The following GRM7 variants were observed in gnomAD, a reference collection of about 807,000 sequenced individuals.
GRM7 encodes the protein metabotropic glutamate receptor 7.
In GRM7, 35 loss-of-function variants were observed where a neutral mutation model predicts 84.5. The ratio of observed to expected loss-of-function variants is 0.41; its 90% CI spans 0.32 to 0.55. The LOEUF (loss-of-function observed/expected upper bound fraction) is 0.55, where lower values mean the gene tolerates loss of function less well. Ranked by LOEUF, GRM7 falls within the 20% of genes least tolerant of loss-of-function variation. GRM7 has a pLI of 0.19. For synonymous variants in GRM7, 487 were observed against 455.1 expected, an observed-to-expected ratio of 1.07 and a Z score of -0.89; for missense variants, 1,003 against 1,194.6, an observed-to-expected ratio of 0.84 and a Z score of 2.36.
intron 9 of GRM7, among the ~76,000 whole-genome samples, chr3:7,702,535 A>G (rs1361664010): frequency 6.6e-6 from 1 of 152,230 alleles, no homozygotes; most frequent in African/African-American, 2.4e-5. Context: ...TAAATATGAA[A>G]ACTTGATGCA....
chr3:7,598,781 G>GA (rs1176093814), intron 8 of GRM7, among the ~76,000 whole-genome samples: 1 of 152,116 alleles, frequency 6.6e-6, no homozygotes, highest in Non-Finnish European at 1.5e-5. Flanking sequence ...TCTCCATGAT[G>GA]AAAAAATAAG....
chr3:7,035,222 C>G (rs573866496), intron 1 of GRM7, among the ~76,000 whole-genome samples: 17 of 152,242 alleles, frequency 1.1e-4, no homozygotes, highest in African/African-American at 3.9e-4. Flanking sequence ...CCTGAGACAT[C>G]TGAGCTCTTG....
intron 7 of GRM7, among the ~76,000 whole-genome samples, chr3:7,490,152 C>T (rs1278803242): frequency 6.6e-6 from 1 of 152,040 alleles, no homozygotes. Flanking sequence ...ATTTAGTATA[C>T]AAAAGTTATA....
chr3:7,081,329 T>G (rs930539999), intron 1 of GRM7, among the ~76,000 whole-genome samples: 4 of 152,082 alleles, frequency 2.6e-5, no homozygotes, highest in African/African-American at 9.7e-5. Context: ...ATTTTCTCAT[T>G]TTTTATACCT....
intron 5 of GRM7, among the ~76,000 whole-genome samples, chr3:7,437,429 A>G (rs1336699793): frequency 1.3e-5 from 2 of 152,150 alleles, no homozygotes; most frequent in Non-Finnish European, 2.9e-5. Flanking sequence ...CTCTGTGGGG[A>G]ACAGATAATC....
At chr3:7,166,884 A>C (rs1348622307) in intron 2 of GRM7, among the ~76,000 whole-genome samples, 2 of 152,202 alleles carry the variant, frequency 1.3e-5, no homozygotes, top group African/African-American at 4.8e-5. Context: ...GAAATGAATA[A>C]AATTTGACTA....
chr3:6,976,881 C>A (rs1246035223), intron 1 of GRM7, among the ~76,000 whole-genome samples: 2 of 152,164 alleles, frequency 1.3e-5, no homozygotes, highest in Non-Finnish European at 2.9e-5. Context: ...CAGACTCAGG[C>A]TCTCAGGGTC....
intron 4 of GRM7, among the ~76,000 whole-genome samples, chr3:7,407,179 G>C (rs552666653): frequency 6.6e-6 from 1 of 152,126 alleles, no homozygotes; most frequent in Non-Finnish European, 1.5e-5. Flanking sequence ...ATTGCCATGA[G>C]GTAGGGTAGA....
intron 4 of GRM7, among the ~76,000 whole-genome samples, chr3:7,372,259 C>T (rs1477171391): frequency 3.3e-5 from 5 of 152,120 alleles, no homozygotes; most frequent in African/African-American, 1.2e-4. Context: ...GTTAGCAAAA[C>T]AATCACGTAA....
At chr3:7,636,259 G>C (rs1403716797) in intron 8 of GRM7, 1 of 456,506 alleles carries the variant, frequency 2.2e-6, no homozygotes, top group Non-Finnish European at 4.4e-6. Flanking sequence ...CCAGGTCTCA[G>C]GCTTTCCCTG....
intron 5 of GRM7, among the ~76,000 whole-genome samples, chr3:7,447,600 A>G (rs547423064): frequency 6.6e-6 from 1 of 152,230 alleles, no homozygotes; most frequent in South Asian, 2.1e-4. Flanking sequence ...TGGTCTCCTC[A>G]GGACTACAAA....
At chr3:7,459,638 C>G (rs1302454609) in intron 6 of GRM7, among the ~76,000 whole-genome samples, 1 of 152,056 alleles carries the variant, frequency 6.6e-6, no homozygotes. Context: ...GAGACTCATT[C>G]ACTACCACAA....
chr3:7,156,576 C>T (rs539669891), intron 2 of GRM7, among the ~76,000 whole-genome samples: 1 of 152,226 alleles, frequency 6.6e-6, no homozygotes, highest in East Asian at 1.9e-4. Context: ...AGGGAGAACG[C>T]ATCCCCATAT....
intron 1 of GRM7, among the ~76,000 whole-genome samples, chr3:7,072,245 G>A (rs1697910122): frequency 6.6e-6 from 1 of 152,136 alleles, no homozygotes; most frequent in African/African-American, 2.4e-5. Context: ...CTCTTACAGT[G>A]GAGCTAGAAA....
At chr3:7,521,826 G>A (rs1700607073) in intron 7 of GRM7, among the ~76,000 whole-genome samples, 1 of 152,100 alleles carries the variant, frequency 6.6e-6, no homozygotes, top group Non-Finnish European at 1.5e-5. Flanking sequence ...AAACTCAGTG[G>A]GGACAAGGTC....
intron 1 of GRM7, among the ~76,000 whole-genome samples, chr3:7,067,348 A>G (rs943812872): frequency 6.6e-6 from 1 of 152,026 alleles, no homozygotes; most frequent in Non-Finnish European, 1.5e-5. Flanking sequence ...TAATGTACAC[A>G]AATCAGTAGC....
At chr3:7,456,571 A>G (rs779724) in intron 6 of GRM7, among the ~76,000 whole-genome samples, 102,883 of 151,666 alleles carry the variant, frequency 0.68, 35,221 homozygotes, top group Non-Finnish European at 0.73. Flanking sequence ...TAAGTCCACA[A>G]TCTGCTTCCT....
chr3:6,963,308 A>G (rs1005220945), intron 1 of GRM7, among the ~76,000 whole-genome samples: 1 of 152,218 alleles, frequency 6.6e-6, no homozygotes, highest in Admixed American at 6.5e-5. Context: ...TAGCTCAGCA[A>G]CCCCAAATAT....
chr3:7,638,683 G>C (rs1698218112), intron 8 of GRM7, among the ~76,000 whole-genome samples: 1 of 152,212 alleles, frequency 6.6e-6, no homozygotes, highest in Non-Finnish European at 1.5e-5. Flanking sequence ...GGCCATTTCA[G>C]GGTATGCTCT....
Sources: allele counts gnomAD v4.1 joint callset (sites outside exome capture counted in the v4.1 genomes callset), GRCh38; gene constraint gnomAD v4.1.1; transcripts MANE v1.5; gene names NCBI Gene and HGNC (gene_info 2026-07-23, HGNC 2026-07-21).